The following THSD7A variants were observed in gnomAD, a reference collection of about 807,000 sequenced individuals.
The protein encoded by THSD7A is thrombospondin type 1 domain containing 7A.
Under a neutral mutation model 231.3 loss-of-function variants are expected in THSD7A, and 96 were observed. That is an observed-to-expected ratio of 0.41 (90% confidence interval 0.35 to 0.49). THSD7A has a LOEUF of 0.49. THSD7A is among the 20% of genes least tolerant of loss of function. The pLI is 0.05. For missense variants in THSD7A, 2,290 were observed against 2,070.2 expected, an observed-to-expected ratio of 1.11 and a Z score of -2.06; for synonymous variants, 940 against 743.3, an observed-to-expected ratio of 1.26 and a Z score of -4.30.
At chr7:11,753,739 G>T (rs2128165668) in intron 1 of THSD7A, among the ~76,000 whole-genome samples, 1 of 151,920 alleles carries the variant, frequency 6.6e-6, no homozygotes, top group African/African-American at 2.4e-5. Flanking sequence ...AAAGATTAAT[G>T]CACTTGCTAA....
chr7:11,677,704 T>C (rs1305504576), intron 1 of THSD7A, among the ~76,000 whole-genome samples: 1 of 145,902 alleles, frequency 6.9e-6, no homozygotes, highest in African/African-American at 2.6e-5. Flanking sequence ...GGTAAAGGGA[T>C]CAATGCAACA....
intron 4 of THSD7A, among the ~76,000 whole-genome samples, chr7:11,558,273 A>T (rs1789932301): frequency 6.6e-6 from 1 of 152,112 alleles, no homozygotes; most frequent in Non-Finnish European, 1.5e-5. Flanking sequence ...ATATTTTTTA[A>T]TTTAGTGGCA....
chr7:11,442,876 C>G lies in THSD7A; in HGVS notation c.3064+3185G>C, dbSNP rs144322647. The stretch of plus-strand genomic sequence containing the variant: ...TCTTTCTGAGATCCTTTCGGAATCC[C>G]CACGAAGTCAATGTCATCATGGATT... On this transcript the variant is annotated intron_variant, in intron 13 of 27. Transcript: ENST00000423059. 8.1e-3 allele frequency among the ~76,000 whole-genome samples: 1,230 copies of G among 152,128 alleles called. 21 individuals carry two copies. The highest frequency in any genetic ancestry group is 0.028 in the African/African-American group (1,172 of 41,540).
intron 23 of THSD7A, among the ~76,000 whole-genome samples, chr7:11,387,281 G>A (rs1298845836): frequency 3.3e-5 from 5 of 152,098 alleles, no homozygotes; most frequent in African/African-American, 9.7e-5. Flanking sequence ...GGATAGCACT[G>A]AATCTGTAAA....
intron 13 of THSD7A, among the ~76,000 whole-genome samples, chr7:11,435,769 T>C (rs369571650): frequency 1.3e-4 from 20 of 151,956 alleles, no homozygotes; most frequent in African/African-American, 4.6e-4. Context: ...TCAGCTGTTC[T>C]AGTGAATTAC....
Position 11,393,619 on chromosome 7 carries a change from A to C in THSD7A, c.4411+8176T>G, listed in dbSNP as rs374162353. On this transcript the variant is annotated intron_variant, in intron 23 of 27. Transcript: ENST00000423059. Reference sequence around the variant, plus strand: ...AATGCAGGGAAGCTAAGAACCTTGAAAAAAGTTAGATGAATTGCTAACAAG... The same window carrying C: ...AATGCAGGGAAGCTAAGAACCTTGACAAAAGTTAGATGAATTGCTAACAAG... Among the ~76,000 whole-genome samples, 190 of 152,356 alleles carry C rather than the reference A, an allele frequency of 1.2e-3. 1 individual carries two copies. Among genetic ancestry groups the C allele is most frequent in the Middle Eastern group, 0.01 (3 of 294 alleles).
intron 23 of THSD7A, among the ~76,000 whole-genome samples, chr7:11,387,919 T>C (rs1562568193): frequency 6.6e-6 from 1 of 152,108 alleles, no homozygotes; most frequent in Non-Finnish European, 1.5e-5. Context: ...TTAGCATGAA[T>C]GGGTGTTGAA....
intron 11 of THSD7A, among the ~76,000 whole-genome samples, chr7:11,450,792 G>A (rs1785118031): frequency 6.6e-6 from 1 of 152,004 alleles, no homozygotes; most frequent in African/African-American, 2.4e-5. Context: ...ATCTAATGAT[G>A]ACACAAGTTC....
intron 6 of THSD7A, among the ~76,000 whole-genome samples, chr7:11,489,504 G>T (rs112844885): frequency 2.0e-4 from 30 of 152,208 alleles, no homozygotes; most frequent in African/African-American, 7.0e-4. Context: ...AAGGAAATAG[G>T]AACTGGGTCT....
intron 4 of THSD7A, among the ~76,000 whole-genome samples, chr7:11,588,000 T>C (rs537910156): frequency 6.6e-6 from 1 of 152,014 alleles, no homozygotes; most frequent in East Asian, 1.9e-4. Flanking sequence ...GTGTAGATAG[T>C]TCTTTAAGTA....
intron 7 of THSD7A, among the ~76,000 whole-genome samples, chr7:11,476,062 T>A (rs74896780): frequency 6.6e-6 from 1 of 151,500 alleles, no homozygotes; most frequent in South Asian, 2.1e-4. Context: ...TGTTAGGATC[T>A]ACAATACAGG....
chr7:11,558,848 C>T (rs78443278), intron 4 of THSD7A, among the ~76,000 whole-genome samples: 32,611 of 152,056 alleles, frequency 0.21, 4,088 homozygotes, highest in Admixed American at 0.4. Flanking sequence ...AAAGGGACTC[C>T]ACAGATGTGA....
chr7:11,482,025 A>C (rs1786448023), intron 6 of THSD7A, 43 bp from the exon 7 acceptor site: 4 of 1,531,910 alleles, frequency 2.6e-6, no homozygotes, highest in Non-Finnish European at 3.5e-6. Flanking sequence ...TGTTAAATTA[A>C]TGTAAAATGA....
intron 1 of THSD7A, among the ~76,000 whole-genome samples, chr7:11,705,650 T>C (rs1175102076): frequency 6.6e-6 from 1 of 150,990 alleles, no homozygotes; most frequent in African/African-American, 2.4e-5. Context: ...TACAATAAAA[T>C]TTGTACTATA....
chr7:11,671,689 C>G (rs1164203012), intron 1 of THSD7A, among the ~76,000 whole-genome samples: 1 of 152,028 alleles, frequency 6.6e-6, no homozygotes, highest in Non-Finnish European at 1.5e-5. Flanking sequence ...AAAGCATATA[C>G]AGAAGTTTCA....
intron 1 of THSD7A, among the ~76,000 whole-genome samples, chr7:11,759,122 T>C (rs1221673872): frequency 6.6e-6 from 1 of 151,774 alleles, no homozygotes; most frequent in Admixed American, 6.6e-5. Flanking sequence ...GAAACACGAA[T>C]TCAACAGGAA....
At chr7:11,669,660 G>C (rs1000324670) in intron 1 of THSD7A, among the ~76,000 whole-genome samples, 1 of 151,406 alleles carries the variant, frequency 6.6e-6, no homozygotes, top group African/African-American at 2.4e-5. Context: ...GTTATATCTG[G>C]AGATTATATG....
chr7:11,531,799 A>G (rs1200060358), intron 6 of THSD7A, among the ~76,000 whole-genome samples: 2 of 152,208 alleles, frequency 1.3e-5, no homozygotes, highest in Non-Finnish European at 1.5e-5. Flanking sequence ...ACTTCCGGGT[A>G]TAGCTCTATA....
intron 1 of THSD7A, among the ~76,000 whole-genome samples, chr7:11,646,384 A>G (rs1277142236): frequency 2.6e-5 from 4 of 152,124 alleles, no homozygotes; most frequent in Admixed American, 2.0e-4. Context: ...CATAACAAAC[A>G]TATAATCTCA....
Sources: allele counts gnomAD v4.1 joint callset (sites outside exome capture counted in the v4.1 genomes callset), GRCh38; gene constraint gnomAD v4.1.1; transcripts MANE v1.5; gene names NCBI Gene and HGNC (gene_info 2026-07-23, HGNC 2026-07-21).